CLIC4: variants seen among roughly 807,000 people sequenced by gnomAD.
The protein encoded by CLIC4 is chloride intracellular channel protein 4.
In CLIC4, 13 loss-of-function variants were observed where a neutral mutation model predicts 24.6. That is an observed-to-expected ratio of 0.53 (90% CI 0.34 to 0.84). The LOEUF (loss-of-function observed/expected upper bound fraction) is 0.84, where lower values mean the gene tolerates loss of function less well. Ranked by LOEUF, CLIC4 falls within the 40% of genes least tolerant of loss-of-function variation. CLIC4 has a pLI of 0.01. For missense variants in CLIC4, 227 were observed against 301.7 expected, an observed-to-expected ratio of 0.75 and a Z score of 1.83; for synonymous variants, 104 against 111.3, an observed-to-expected ratio of 0.93 and a Z score of 0.41.
rs1393084886 is a variant in CLIC4 at position 24,811,144 on chromosome 1, T to C, written c.183-2950T>C. Among the ~76,000 whole-genome samples the C allele has an allele frequency of 3.1e-4, 47 of 152,040 alleles. 1 individual carries two copies. Among genetic ancestry groups the C allele is most frequent in the Non-Finnish European group, 4.4e-5 (3 of 68,006 alleles). The stretch of plus-strand genomic sequence containing the variant: ...AGAACAATAATGAACCCACTACTTA[T>C]TACCATAAAACATTTTTAATGTAAA... On this transcript the variant is annotated intron_variant, in intron 2 of 5. Coordinates refer to ENST00000374379, the MANE Select transcript of CLIC4 (RefSeq NM_013943.3).
At chr1:24,785,872 A>AG (rs1341805833) in intron 1 of CLIC4, among the ~76,000 whole-genome samples, 1 of 150,722 alleles carries the variant, frequency 6.6e-6, no homozygotes, top group Non-Finnish European at 1.5e-5. Context: ...AAAAAAAAAA[A>AG]AAAAGAAAAG....
chr1:24,756,053 G>A (rs1206515328), intron 1 of CLIC4, among the ~76,000 whole-genome samples: 1 of 147,516 alleles, frequency 6.8e-6, no homozygotes, highest in African/African-American at 2.5e-5. Context: ...AGGCTGGAGT[G>A]CAGTGACGCG....
chr1:24,777,535 A>C (rs1223628922), intron 1 of CLIC4, among the ~76,000 whole-genome samples: 1 of 152,154 alleles, frequency 6.6e-6, no homozygotes, highest in African/African-American at 2.4e-5. Flanking sequence ...TAGAGCAAAA[A>C]AAAAGAACAA....
intron 1 of CLIC4, among the ~76,000 whole-genome samples, chr1:24,795,189 T>C (rs1571246843): frequency 1.3e-5 from 2 of 152,036 alleles, no homozygotes; most frequent in East Asian, 3.8e-4. Flanking sequence ...AAAATAAAAG[T>C]TAAAAACAAT....
At chr1:24,793,513 C>G (rs1639363982) in intron 1 of CLIC4, among the ~76,000 whole-genome samples, 1 of 152,170 alleles carries the variant, frequency 6.6e-6, no homozygotes, top group African/African-American at 2.4e-5. Context: ...GAATCAGAAT[C>G]TCTAGATATG....
At chr1:24,779,714 G>C (rs759545753) in intron 1 of CLIC4, among the ~76,000 whole-genome samples, 12 of 152,148 alleles carry the variant, frequency 7.9e-5, no homozygotes, top group Admixed American at 2.6e-4. Context: ...AAAGCAGATA[G>C]TAGGAATTAC....
chr1:24,808,061 C>T (rs1002495360), intron 2 of CLIC4, among the ~76,000 whole-genome samples: 1 of 151,998 alleles, frequency 6.6e-6, no homozygotes, highest in South Asian at 2.1e-4. Flanking sequence ...AGCAATTCTC[C>T]TTCCTCAGCC....
chr1:24,758,306 A>AT (rs1432480891), intron 1 of CLIC4, among the ~76,000 whole-genome samples: 1 of 150,784 alleles, frequency 6.6e-6, no homozygotes, highest in East Asian at 1.9e-4. Flanking sequence ...TGTATGTCCT[A>AT]GTCTTTTTTT....
At chr1:24,746,940 G>C (rs1434237124) in intron 1 of CLIC4, among the ~76,000 whole-genome samples, 1 of 152,054 alleles carries the variant, frequency 6.6e-6, no homozygotes, top group African/African-American at 2.4e-5. Flanking sequence ...AGTGAGCCAC[G>C]TCGCACCACT....
chr1:24,760,027 C>A (rs1298260779), intron 1 of CLIC4, among the ~76,000 whole-genome samples: 3 of 152,080 alleles, frequency 2.0e-5, no homozygotes, highest in Non-Finnish European at 4.4e-5. Flanking sequence ...GTTATATCTG[C>A]TAATTTTGAT....
At chr1:24,829,611 T>C (rs1044459214) in intron 4 of CLIC4, among the ~76,000 whole-genome samples, 6 of 152,136 alleles carry the variant, frequency 3.9e-5, no homozygotes, top group Non-Finnish European at 8.8e-5. Context: ...GTCATTGATA[T>C]TTATAATACT....
intron 2 of CLIC4, among the ~76,000 whole-genome samples, chr1:24,808,682 T>TC (rs1030616508): frequency 1.3e-5 from 2 of 150,392 alleles, no homozygotes; most frequent in East Asian, 3.9e-4. Context: ...TATAAAATTT[T>TC]TTTTTTTTTT....
At chr1:24,752,057 C>A (rs1307327118) in intron 1 of CLIC4, among the ~76,000 whole-genome samples, 1 of 152,084 alleles carries the variant, frequency 6.6e-6, no homozygotes, top group Non-Finnish European at 1.5e-5. Context: ...ACATAAGAGT[C>A]TGTTTCTTTT....
chr1:24,840,869 A>C lies in CLIC4; in HGVS notation c.694A>C (p.Asn232His). 1 of 1,612,898 alleles carries C rather than the reference A, an allele frequency of 6.2e-7. No homozygotes were observed. Among genetic ancestry groups the C allele is most frequent in the Non-Finnish European group, 8.5e-7 (1 of 1,179,378 alleles). ...TNAYSRDEFT[N>H]TCPSDKEVEI... is the part of the protein sequence containing the mutation. ...TGCATACAGTAGGGACGAGTTCACCAATACCTGTCCCAGTGATAAGGAGGT... is the reference window on the plus strand; with the variant it reads ...TGCATACAGTAGGGACGAGTTCACCCATACCTGTCCCAGTGATAAGGAGGT... Residue 232 changes from asparagine to histidine, a missense_variant, in exon 6 of 6, where the codon AAT becomes CAT. Coordinates refer to ENST00000374379, the MANE Select transcript of CLIC4 (RefSeq NM_013943.3).
At chr1:24,819,025 T>C (rs983405063) in intron 3 of CLIC4, among the ~76,000 whole-genome samples, 4 of 152,088 alleles carry the variant, frequency 2.6e-5, no homozygotes, top group Non-Finnish European at 5.9e-5. Flanking sequence ...GTTGGGATGG[T>C]AGGCAGGAAG....
intron 3 of CLIC4, among the ~76,000 whole-genome samples, chr1:24,816,294 C>T (rs1167228003): frequency 1.6e-5 from 2 of 124,408 alleles, no homozygotes; most frequent in African/African-American, 6.2e-5. Context: ...GGCTGGAGTG[C>T]AGTGATGCGA....
intron 1 of CLIC4, among the ~76,000 whole-genome samples, chr1:24,760,674 A>G (rs1039611564): frequency 6.6e-6 from 1 of 151,900 alleles, no homozygotes; most frequent in Non-Finnish European, 1.5e-5. Context: ...TCATTCATTT[A>G]TTTAACAACT....
At chr1:24,802,648 CAG>C (rs1639503572) in intron 2 of CLIC4, among the ~76,000 whole-genome samples, 1 of 151,878 alleles carries the variant, frequency 6.6e-6, no homozygotes, top group South Asian at 2.1e-4. Flanking sequence ...ACTTCCCCTT[CAG>C]AGAGATAATT....
rs1431253992 is a variant in CLIC4 at position 24,844,094 on chromosome 1, C to T, written c.*3157C>T. The T allele has an allele frequency of 6.6e-6, 1 of 152,514 alleles. No individual in the cohort carries two copies. The highest frequency in any genetic ancestry group is 1.5e-5 in the Non-Finnish European group (1 of 67,990). 9.4% of individuals were successfully genotyped at this position (152,514 alleles called of 1,614,324 possible). ...GTATATTTTTATCATGGAAAAATTT[C>T]AACTCCTCAAGCCGTAATGTTGAAC... On this transcript the variant is annotated 3_prime_UTR_variant, in exon 6 of 6. Coordinates refer to ENST00000374379, the MANE Select transcript of CLIC4 (RefSeq NM_013943.3).
Sources: gnomAD v4.1 joint callset for allele counts (sites outside exome capture counted in the v4.1 genomes callset) on GRCh38, gnomAD v4.1.1 for gene constraint, MANE v1.5 for transcripts, NCBI Gene and HGNC (gene_info 2026-07-23, HGNC 2026-07-21) for gene names.